Variants in ADCY1 observed in about 807,000 individuals in gnomAD.
ADCY1 encodes the protein adenylate cyclase type 1.
In ADCY1, 28 loss-of-function variants were observed where a neutral mutation model predicts 105.4. That is an observed-to-expected ratio of 0.27 (90% confidence interval 0.20 to 0.36). The LOEUF (loss-of-function observed/expected upper bound fraction) is 0.36, where lower values mean the gene tolerates loss of function less well. Among genes scored for constraint, ADCY1 ranks in the 10% least tolerant of loss-of-function variants. The pLI is 1.00. For missense variants in ADCY1, 977 were observed against 1,434.2 expected, an observed-to-expected ratio of 0.68 and a Z score of 5.15; for synonymous variants, 655 against 623.8, an observed-to-expected ratio of 1.05 and a Z score of -0.75.
chr7:45,576,127 T>C (rs1296028876), intron 1 of ADCY1, among the ~76,000 whole-genome samples: 6 of 152,170 alleles, frequency 3.9e-5, no homozygotes, highest in Non-Finnish European at 7.3e-5. Flanking sequence ...GGGGATGGTA[T>C]GACTCAAATG....
rs568684865 is a variant in ADCY1, at chr7:45,615,668, A to G, written c.908+5171A>G. Among the ~76,000 whole-genome samples, 48 of 152,296 alleles carry G rather than the reference A, an allele frequency of 3.2e-4. 1 individual carries two copies. The Middle Eastern group carries it at 0.017, about 54-fold the overall frequency. ...TCAGACAAAGGAAAATGAAAACACA[A>G]CATACCCAAACTTATGGGATGGAAC... is the stretch of plus-strand genomic sequence containing the variant. On this transcript the variant is annotated intron_variant, in intron 3 of 19. Transcript: ENST00000297323.
At chr7:45,652,223 C>T (rs1044150313) in intron 5 of ADCY1, among the ~76,000 whole-genome samples, 1 of 152,222 alleles carries the variant, frequency 6.6e-6, no homozygotes, top group Admixed American at 6.5e-5. Flanking sequence ...TTACCTCCCA[C>T]CAGGTCCCAA....
upstream of ADCY1, chr7:45,574,323 G>C (rs1792245398): frequency 1.0e-5 from 2 of 191,614 alleles, no homozygotes; most frequent in Non-Finnish European, 1.9e-5. The surrounding 1 kb of genome is among the most constrained non-coding windows in gnomAD (Gnocchi z 7.0). Flanking sequence ...GACCACGGTC[G>C]GGGCGCGGGC....
intron 4 of ADCY1, among the ~76,000 whole-genome samples, chr7:45,640,948 C>T (rs1038441368): frequency 1.3e-5 from 2 of 152,186 alleles, no homozygotes; most frequent in Non-Finnish European, 2.9e-5. Flanking sequence ...AGAGGGGTCC[C>T]TGCTCTATCT....
intron 7 of ADCY1, among the ~76,000 whole-genome samples, chr7:45,661,412 G>A (rs1795101861): frequency 6.6e-6 from 1 of 152,042 alleles, no homozygotes; most frequent in South Asian, 2.1e-4. Flanking sequence ...AGGAGATGGG[G>A]TCAGAGCTGC....
At chr7:45,633,284 C>T (rs1468989808) in intron 4 of ADCY1, among the ~76,000 whole-genome samples, 3 of 152,074 alleles carry the variant, frequency 2.0e-5, no homozygotes, top group Admixed American at 1.3e-4. Context: ...TACAGTTGAC[C>T]CTTGAACATC....
Position 45,710,781 on chromosome 7 carries a change from T to C in ADCY1, c.3057+129T>C. On this transcript the variant is annotated intron_variant, in intron 19 of 19. Coordinates refer to ENST00000297323, the MANE Select transcript of ADCY1 (RefSeq NM_021116.4). This position sits in a 1 kb window ranked among gnomAD's most constrained non-coding sequence, Gnocchi z 4.7. ...TGGCAGGGCAGAAAGAGCTGCATAT[T>C]TCGGTCTGTCTGCTCTGGAGGGCAT... 7.7e-7 allele frequency: 1 copy of C among 1,304,900 alleles called. No homozygotes were observed. The allele number at this position is 1,304,900 out of a possible 1,614,324, so 80.8% of individuals were successfully genotyped here.
chr7:45,639,459 C>T (rs111628035), intron 4 of ADCY1, among the ~76,000 whole-genome samples: 3 of 152,288 alleles, frequency 2.0e-5, no homozygotes, highest in African/African-American at 7.2e-5. Flanking sequence ...GTTCCTTCAT[C>T]CATTTCCAGA....
At chr7:45,577,938 C>G (rs1294557796) in intron 1 of ADCY1, among the ~76,000 whole-genome samples, 1 of 152,204 alleles carries the variant, frequency 6.6e-6, no homozygotes, top group African/African-American at 2.4e-5. Context: ...GGCCTGGGTT[C>G]AAGTCCCTGC....
chr7:45,628,068 C>G (rs1054153362), intron 4 of ADCY1, among the ~76,000 whole-genome samples: 1 of 152,174 alleles, frequency 6.6e-6, no homozygotes, highest in African/African-American at 2.4e-5. Context: ...AAGCAATTGT[C>G]ATGTCACCTG....
Position 45,703,214 on chromosome 7 carries a change from A to G in ADCY1, c.2455-162A>G, listed in dbSNP as rs1785035440. Among the ~76,000 whole-genome samples, 1 of 152,166 alleles carries G rather than the reference A, an allele frequency of 6.6e-6. No homozygotes were observed. Among genetic ancestry groups the G allele is most frequent in the Admixed American group, 6.5e-5 (1 of 15,276 alleles). On this transcript the variant is annotated intron_variant, in intron 14 of 19. Coordinates refer to ENST00000297323, the MANE Select transcript of ADCY1 (RefSeq NM_021116.4). The surrounding 1 kb of genome is among the most constrained non-coding windows in gnomAD (Gnocchi z 5.9). ...CTGCAGATCTTCCCTACCCAGTAAC[A>G]TGGATCTAGTCTTGCATCTAGTGGG...
Position 45,664,496 on chromosome 7 carries a change from C to T in ADCY1, c.1605+2282C>T, listed in dbSNP as rs553476574. 46 of 1,425,398 alleles carry T rather than the reference C, an allele frequency of 3.2e-5. No individual in the cohort carries two copies. In the East Asian group the frequency reaches 7.3e-4, roughly 23 times the overall value. 88.3% of individuals were successfully genotyped at this position (1,425,398 alleles called of 1,614,324 possible). On this transcript the variant is annotated intron_variant, in intron 8 of 19. Transcript: ENST00000297323. ...TCTTCTCTCAGCACTCTCTCCTGAT[C>T]GTAAACATAATTGATTATGGAAAAT...
intron 14 of ADCY1, among the ~76,000 whole-genome samples, chr7:45,694,470 C>T (rs1251900981): frequency 6.6e-6 from 1 of 152,012 alleles, no homozygotes; most frequent in Non-Finnish European, 1.5e-5. Flanking sequence ...TAAAGCAGTA[C>T]TTGGAGGAAA....
At chr7:45,637,403 A>C (rs912462559) in intron 4 of ADCY1, among the ~76,000 whole-genome samples, 1 of 152,130 alleles carries the variant, frequency 6.6e-6, no homozygotes, top group Non-Finnish European at 1.5e-5. Flanking sequence ...TATGCAGTCT[A>C]TTTCTTTGTG....
chr7:45,661,259 G>A (rs181651265), intron 7 of ADCY1, among the ~76,000 whole-genome samples: 9 of 152,210 alleles, frequency 5.9e-5, no homozygotes, highest in East Asian at 1.9e-4. Context: ...TTTGAATAGC[G>A]GGAGGGGAAG....
At chr7:45,589,667 C>T (rs1291766664) in intron 1 of ADCY1, among the ~76,000 whole-genome samples, 1 of 151,860 alleles carries the variant, frequency 6.6e-6, no homozygotes, top group African/African-American at 2.4e-5. Flanking sequence ...AATGCGGGGG[C>T]GTGGGTGTCT....
chr7:45,580,129 T>C (rs1584243383), intron 1 of ADCY1, among the ~76,000 whole-genome samples: 1 of 151,788 alleles, frequency 6.6e-6, no homozygotes, highest in Non-Finnish European at 1.5e-5. Context: ...AGGAAATGAG[T>C]CTAGACAAAA....
chr7:45,628,330 G>A (rs1794124869), intron 4 of ADCY1, among the ~76,000 whole-genome samples: 1 of 152,172 alleles, frequency 6.6e-6, no homozygotes, highest in Admixed American at 6.5e-5. Flanking sequence ...TTCCCTGCCT[G>A]AAGACCTCGG....
intron 3 of ADCY1, 109 bp downstream of exon 3, chr7:45,610,606 G>A: frequency 2.1e-6 from 2 of 947,186 alleles, no homozygotes; most frequent in South Asian, 2.9e-5. Context: ...ATGGATGGAG[G>A]TGGGGAAAGA....
Sources: gnomAD v4.1 joint callset for allele counts (sites outside exome capture counted in the v4.1 genomes callset) on GRCh38, gnomAD v4.1.1 for gene constraint, Gnocchi (gnomAD v3.1) non-coding constraint, MANE v1.5 for transcripts, NCBI Gene and HGNC (gene_info 2026-07-23, HGNC 2026-07-21) for gene names.